Variants in MEIS2 observed in about 807,000 individuals in gnomAD.
MEIS2 encodes the protein Meis homeobox 2, also known as homeobox protein Meis2.
Under a neutral mutation model 58.6 loss-of-function variants are expected in MEIS2, and 9 were observed. That is an observed-to-expected ratio of 0.15 (90% CI 0.09 to 0.27). MEIS2 has a LOEUF of 0.27. Ranked by LOEUF, MEIS2 falls within the 10% of genes least tolerant of loss-of-function variation. The pLI is 1.00. For missense variants in MEIS2, 427 were observed against 635.0 expected (o/e 0.67, Z 3.52); for synonymous variants, 221 against 228.4 (o/e 0.97, Z 0.29).
chr15:37,082,327 T>C (rs983724555), intron 7 of MEIS2, among the ~76,000 whole-genome samples: 13 of 152,206 alleles, frequency 8.5e-5, no homozygotes, highest in African/African-American at 3.1e-4. Flanking sequence ...CGGCTTCTCC[T>C]TTTCCCCTCT....
At chr15:36,916,008 G>C (rs1407269927) in intron 9 of MEIS2, among the ~76,000 whole-genome samples, 1 of 152,190 alleles carries the variant, frequency 6.6e-6, no homozygotes, top group Non-Finnish European at 1.5e-5. Context: ...AGTGAAACAT[G>C]TAGTGAAAAC....
chr15:37,065,494 A>G (rs1162644584), intron 7 of MEIS2, among the ~76,000 whole-genome samples: 2 of 152,182 alleles, frequency 1.3e-5, no homozygotes, highest in Non-Finnish European at 2.9e-5. Context: ...AACACGTGTG[A>G]CTGACAACTG....
intron 6 of MEIS2, among the ~76,000 whole-genome samples, chr15:37,085,581 CTA>C (rs1283561474): frequency 2.0e-5 from 3 of 152,016 alleles, no homozygotes; most frequent in Admixed American, 1.3e-4. Flanking sequence ...TTAATAACAT[CTA>C]TATAAAATAA....
intron 9 of MEIS2, among the ~76,000 whole-genome samples, chr15:36,911,109 T>C (rs573896732): frequency 6.6e-6 from 1 of 152,122 alleles, no homozygotes; most frequent in South Asian, 2.1e-4. Context: ...GGAATTATAT[T>C]AGGCTTAAAT....
At chr15:37,098,537 T>C (rs1248091663) in intron 1 of MEIS2, 9 of 453,570 alleles carry the variant, frequency 2.0e-5, no homozygotes. Context: ...GAAAAAATGT[T>C]ATTAAATTTA....
At chr15:37,078,356 C>A (rs1032463522) in intron 7 of MEIS2, among the ~76,000 whole-genome samples, 7 of 150,216 alleles carry the variant, frequency 4.7e-5, no homozygotes, top group Non-Finnish European at 1.0e-4. Flanking sequence ...CTTTCTTTGA[C>A]TTATTATCGA....
At chr15:37,055,411 T>C (rs2063099679) in intron 7 of MEIS2, among the ~76,000 whole-genome samples, 1 of 152,214 alleles carries the variant, frequency 6.6e-6, no homozygotes, top group Admixed American at 6.5e-5. Flanking sequence ...CTTCCCTGTG[T>C]GTGTGTGTTT....
intron 9 of MEIS2, among the ~76,000 whole-genome samples, chr15:36,930,011 T>C (rs1322834227): frequency 6.6e-6 from 1 of 151,946 alleles, no homozygotes; most frequent in Non-Finnish European, 1.5e-5. Flanking sequence ...GAGACCAGCC[T>C]GGCCAACATG....
At chr15:36,928,921 G>T (rs953791111) in intron 9 of MEIS2, among the ~76,000 whole-genome samples, 2 of 151,594 alleles carry the variant, frequency 1.3e-5, no homozygotes, top group Admixed American at 1.3e-4. Flanking sequence ...TATAAAAAAA[G>T]ATCAAAAAAA....
intron 7 of MEIS2, among the ~76,000 whole-genome samples, chr15:37,043,009 A>G (rs974933881): frequency 2.0e-5 from 3 of 152,192 alleles, no homozygotes; most frequent in African/African-American, 7.2e-5. Context: ...CTTTAAAGTC[A>G]CTTTTTAAAT....
chr15:36,927,257 G>A (rs914165688), intron 9 of MEIS2, among the ~76,000 whole-genome samples: 22 of 152,050 alleles, frequency 1.4e-4, no homozygotes, highest in African/African-American at 4.8e-4. Flanking sequence ...GAGTGATGAT[G>A]GGGGGGTCTG....
At chr15:37,030,967 G>C (rs1447305172) in intron 8 of MEIS2, among the ~76,000 whole-genome samples, 2 of 152,146 alleles carry the variant, frequency 1.3e-5, no homozygotes, top group Admixed American at 1.3e-4. Context: ...GGCAAAACCT[G>C]GTCTCTACAT....
At chr15:36,996,044 C>T (rs192299069) in intron 8 of MEIS2, among the ~76,000 whole-genome samples, 52 of 100,876 alleles carry the variant, frequency 5.2e-4, no homozygotes, top group African/African-American at 1.3e-3. Context: ...CACACACACA[C>T]ACATATATAT....
chr15:37,014,015 G>C (rs1029419876), intron 8 of MEIS2, among the ~76,000 whole-genome samples: 21 of 152,338 alleles, frequency 1.4e-4, no homozygotes, highest in African/African-American at 4.6e-4. Flanking sequence ...AAAGTATCTA[G>C]AGACTTAATG....
At chr15:36,965,259 T>C (rs1381127673) in intron 8 of MEIS2, among the ~76,000 whole-genome samples, 2 of 152,194 alleles carry the variant, frequency 1.3e-5, no homozygotes, top group African/African-American at 4.8e-5. Context: ...CATTCTAATA[T>C]AATCTATTAC....
chr15:36,966,204 G>A (rs578119073), intron 8 of MEIS2, among the ~76,000 whole-genome samples: 7 of 152,246 alleles, frequency 4.6e-5, no homozygotes, highest in African/African-American at 1.7e-4. Flanking sequence ...GCCCATATGA[G>A]CAAATTCGCT....
chr15:37,013,234 A>C (rs1002800779), intron 8 of MEIS2, among the ~76,000 whole-genome samples: 3 of 152,136 alleles, frequency 2.0e-5, no homozygotes, highest in Non-Finnish European at 4.4e-5. Flanking sequence ...AAAGGATCTT[A>C]CTTCTGAGGA....
rs745433097 is a variant in MEIS2, at chr15:37,083,877, A to T, written c.648T>A (p.Ser216=). 5.0e-6 allele frequency: 8 copies of T among 1,613,862 alleles called. No individual in the cohort carries two copies. Among genetic ancestry groups the T allele is most frequent in the Non-Finnish European group, 6.8e-6 (8 of 1,179,920 alleles). Residue 216 remains serine (S), a synonymous_variant, in exon 7 of 12, where the codon TCT becomes TCA. Transcript: ENST00000561208. The stretch of plus-strand genomic sequence containing the variant: ...TTGCATCATCGTGGTCTCGCCAAGA[A>T]GAAGGGTTCTGATGTCAGGATACCA... ...SSTNLADHNP[S]SWRDHDDATS... is the part of the protein sequence containing the mutation.
chr15:37,034,906 CA>C (rs141597843), intron 8 of MEIS2, among the ~76,000 whole-genome samples: 2,519 of 152,256 alleles, frequency 0.017, 71 homozygotes, highest in African/African-American at 0.056. Context: ...GCTTGACCTT[CA>C]GCTAGTAACT....
Sources: gnomAD v4.1 joint callset for allele counts (sites outside exome capture counted in the v4.1 genomes callset) on GRCh38, gnomAD v4.1.1 for gene constraint, MANE v1.5 for transcripts, NCBI Gene and HGNC (gene_info 2026-07-23, HGNC 2026-07-21) for gene names.